Variants in CHEK2 observed in about 807,000 individuals in gnomAD.
The protein encoded by CHEK2 is checkpoint kinase 2, also known as serine/threonine-protein kinase Chk2.
In CHEK2, 71 loss-of-function variants were observed where a neutral mutation model predicts 69.1. The ratio of observed to expected loss-of-function variants is 1.03; its 90% confidence interval spans 0.85 to 1.25. The LOEUF (loss-of-function observed/expected upper bound fraction) is 1.25. Among genes scored for constraint, CHEK2 ranks in the 50% most tolerant of loss-of-function variants. The pLI is 0.00. For missense variants in CHEK2, 664 were observed against 649.6 expected (o/e 1.02, Z -0.24); for synonymous variants, 189 against 226.9 (o/e 0.83, Z 1.50).
chr22:28,734,726 A>C lies in CHEK2; in HGVS notation c.-5T>G, dbSNP rs748010609. ...AACATCCGACTCCCGAGACATCACG[A>C]CCTCAAAAAGAAAGTGTCCAACAAC... On this transcript the variant is annotated splice_region_variant and 5_prime_UTR_variant, in exon 2 of 15. Transcript: ENST00000404276. The C allele has an allele frequency of 6.2e-7, 1 of 1,613,282 alleles. No homozygotes were observed. The highest frequency in any genetic ancestry group is 8.5e-7 in the Non-Finnish European group (1 of 1,179,962).
At chr22:28,719,362 A>C in intron 5 of CHEK2, 33 bp downstream of exon 5, 1 of 1,242,898 alleles carries the variant, frequency 8.0e-7, no homozygotes, top group Non-Finnish European at 1.1e-6. Context: ...ATAGTGAAAA[A>C]ATTAAGTGCA....
chr22:28,713,659 T>C (rs1260370409), intron 5 of CHEK2, among the ~76,000 whole-genome samples: 2 of 148,536 alleles, frequency 1.3e-5, no homozygotes, highest in East Asian at 2.0e-4. Context: ...CTCGGCCACA[T>C]GTACAAGTTT....
At chr22:28,702,572 A>G in intron 8 of CHEK2, among the ~76,000 whole-genome samples, 1 of 120,994 alleles carries the variant, frequency 8.3e-6, no homozygotes, top group Admixed American at 9.5e-5. Flanking sequence ...TTTGATATGG[A>G]GTCTCACTCT....
intron 2 of CHEK2, chr22:28,729,221 T>TA (rs2054110134): frequency 8.6e-6 from 2 of 232,254 alleles, no homozygotes; most frequent in Non-Finnish European, 1.8e-5. Flanking sequence ...CAGCAACACA[T>TA]AAAAAAGATT....
At chr22:28,714,247 T>C (rs1420152234) in intron 5 of CHEK2, among the ~76,000 whole-genome samples, 3 of 152,198 alleles carry the variant, frequency 2.0e-5, no homozygotes, top group Non-Finnish European at 2.9e-5. Context: ...TTCCTTATTA[T>C]GGTCAGCCTA....
chr22:28,695,184 T>C lies in CHEK2; in HGVS notation c.1318A>G (p.Ile440Val), dbSNP rs587780176. The C allele has an allele frequency of 1.2e-6, 2 of 1,613,538 alleles. No individual in the cohort carries two copies. Among genetic ancestry groups the C allele is most frequent in the East Asian group, 2.2e-5 (1 of 44,888 alleles). ...ATGAAGTTGTATTTTCCACTGGTGA[T>C]CTGATCCTTCAGTGACACTTGAGTC... ...HRTQVSLKDQ[I>V]TSGKYNFIPE... Residue 440 changes from isoleucine to valine, a missense_variant, in exon 12 of 15, where the codon ATC (isoleucine) becomes GTC (valine). By Grantham distance (29) the Ile-to-Val change is conservative. Transcript: ENST00000404276.
At chr22:28,688,974 A>G (rs1320861354) in intron 14 of CHEK2, among the ~76,000 whole-genome samples, 161 bp downstream of exon 14, 4 of 152,186 alleles carry the variant, frequency 2.6e-5, no homozygotes, top group Non-Finnish European at 5.9e-5. Flanking sequence ...TTTTAAATCT[A>G]AGGGTGCTGG....
intron 14 of CHEK2, 106 bp downstream of exon 14, chr22:28,689,029 A>T: frequency 2.7e-6 from 2 of 731,920 alleles, no homozygotes; most frequent in East Asian, 5.3e-5. Context: ...TATAACTGAA[A>T]CAATGTTAAG....
intron 1 of CHEK2, among the ~76,000 whole-genome samples, chr22:28,738,429 TTGAG>T: frequency 6.6e-6 from 1 of 152,146 alleles, no homozygotes; most frequent in Admixed American, 6.6e-5. Context: ...AGTCAGACAC[TTGAG>T]TGAAACTGTG....
chr22:28,691,788 G>A (rs2052374111), intron 13 of CHEK2, among the ~76,000 whole-genome samples: 1 of 152,200 alleles, frequency 6.6e-6, no homozygotes, highest in African/African-American at 2.4e-5. Flanking sequence ...GAGGCAGAGA[G>A]TAGATGTAAG....
chr22:28,719,078 C>T (rs4822983), intron 5 of CHEK2, among the ~76,000 whole-genome samples: 49,451 of 151,804 alleles, frequency 0.33, 8,587 homozygotes, highest in African/African-American at 0.41. Flanking sequence ...CAAAAACACA[C>T]ATTAGTTGTG....
At chr22:28,710,105 A>G in intron 6 of CHEK2, 46 bp from the exon 7 acceptor site, 1 of 1,297,506 alleles carries the variant, frequency 7.7e-7, no homozygotes, top group Non-Finnish European at 1.1e-6. Context: ...AATAATTGCC[A>G]ATATTTAAAA....
At chr22:28,722,539 C>CAAAAAAAAAAAAAAAA (rs755107963) in intron 4 of CHEK2, among the ~76,000 whole-genome samples, 4 of 67,902 alleles carry the variant, frequency 5.9e-5, no homozygotes, top group Admixed American at 1.6e-4. Flanking sequence ...GACTCCGTCT[C>CAAAAAAAAAAAAAAAA]AAAAAAAAAA....
chr22:28,695,604 C>A, intron 11 of CHEK2, 106 bp downstream of exon 11: 1 of 934,742 alleles, frequency 1.1e-6, no homozygotes, highest in Non-Finnish European at 1.7e-6. Flanking sequence ...TACAGTTAGC[C>A]AAGATCAAGC....
chr22:28,715,253 G>C (rs1023252850), intron 5 of CHEK2, among the ~76,000 whole-genome samples: 7 of 152,134 alleles, frequency 4.6e-5, no homozygotes, highest in Admixed American at 2.0e-4. Flanking sequence ...TGAATCAAGA[G>C]ATGGAGCTAG....
At chr22:28,721,741 A>C (rs535110959) in intron 4 of CHEK2, 3 of 360,580 alleles carry the variant, frequency 8.3e-6, no homozygotes, top group South Asian at 4.5e-5. Flanking sequence ...AATACATATA[A>C]TTTTTTTGAG....
intron 1 of CHEK2, among the ~76,000 whole-genome samples, chr22:28,736,767 C>T (rs2054420927): frequency 6.8e-6 from 1 of 147,546 alleles, no homozygotes; most frequent in African/African-American, 2.5e-5. Flanking sequence ...TAGTGGGACC[C>T]CCCCCGCCCC....
intron 8 of CHEK2, among the ~76,000 whole-genome samples, chr22:28,701,961 T>TG (rs1052275650): frequency 9.9e-5 from 15 of 151,602 alleles, no homozygotes; most frequent in Non-Finnish European, 2.1e-4. Flanking sequence ...ACTATTTTTT[T>TG]TTTTTTTGAG....
chr22:28,722,913 G>C (rs1461076843), intron 4 of CHEK2, among the ~76,000 whole-genome samples: 2 of 152,078 alleles, frequency 1.3e-5, no homozygotes, highest in African/African-American at 4.8e-5. Flanking sequence ...CCAGAATCTG[G>C]AGAAGAGTGC....
Sources: allele counts gnomAD v4.1 joint callset (sites outside exome capture counted in the v4.1 genomes callset), GRCh38; gene constraint gnomAD v4.1.1; transcripts MANE v1.5; gene names NCBI Gene and HGNC (gene_info 2026-07-23, HGNC 2026-07-21).